The following DLC1 variants were observed in gnomAD, a reference collection of about 807,000 sequenced individuals.
DLC1 encodes the protein DLC1 Rho GTPase activating protein.
Under a neutral mutation model 140.3 loss-of-function variants are expected in DLC1, and 54 were observed. The ratio of observed to expected loss-of-function variants is 0.38; its 90% CI spans 0.31 to 0.48. The LOEUF (loss-of-function observed/expected upper bound fraction) is 0.48, where lower values mean the gene tolerates loss of function less well. Ranked by LOEUF, DLC1 falls within the 20% of genes least tolerant of loss-of-function variation. The probability of loss-of-function intolerance (pLI) is 0.96; values close to 1 mark genes in which losing one functional copy is unlikely to be tolerated. For synonymous variants in DLC1, 986 were observed against 728.1 expected (o/e 1.35, Z -5.70); for missense variants, 2,536 against 1,907.0 (o/e 1.33, Z -6.14).
At chr8:13,270,025 C>G (rs1262846946) in intron 5 of DLC1, among the ~76,000 whole-genome samples, 1 of 150,376 alleles carries the variant, frequency 6.6e-6, no homozygotes, top group African/African-American at 2.4e-5. Flanking sequence ...CCACTGCACT[C>G]CAGCCTGGGC....
At chr8:13,461,028 C>G (rs1490904548) in intron 2 of DLC1, among the ~76,000 whole-genome samples, 3 of 152,128 alleles carry the variant, frequency 2.0e-5, no homozygotes, top group Non-Finnish European at 4.4e-5. Context: ...GCCTGGGCAA[C>G]AGAGCAAGAC....
At chr8:13,214,061 G>A (rs948491027) in intron 5 of DLC1, among the ~76,000 whole-genome samples, 2 of 152,170 alleles carry the variant, frequency 1.3e-5, no homozygotes, top group African/African-American at 4.8e-5. Context: ...TGGGTTTACA[G>A]GTGTGAGCCA....
intron 2 of DLC1, among the ~76,000 whole-genome samples, chr8:13,432,617 T>C (rs1170931204): frequency 6.6e-6 from 1 of 152,208 alleles, no homozygotes; most frequent in Non-Finnish European, 1.5e-5. Flanking sequence ...CTGGAAAATC[T>C]CTTCTGCCCA....
intron 5 of DLC1, among the ~76,000 whole-genome samples, chr8:13,186,054 G>C (rs549731194): frequency 6.6e-6 from 1 of 152,104 alleles, no homozygotes; most frequent in Non-Finnish European, 1.5e-5. Context: ...TGGGCAACCC[G>C]ACCTTTCTCT....
chr8:13,322,684 G>A (rs966073011), intron 4 of DLC1, among the ~76,000 whole-genome samples: 2 of 152,146 alleles, frequency 1.3e-5, no homozygotes, highest in Non-Finnish European at 2.9e-5. Context: ...TTTTGGAAAA[G>A]TGTGTCAGTA....
chr8:13,092,055 G>A (rs1818121917), intron 13 of DLC1, among the ~76,000 whole-genome samples: 1 of 152,138 alleles, frequency 6.6e-6, no homozygotes, highest in Admixed American at 6.5e-5. Flanking sequence ...GACCAGCCTG[G>A]CCAACATGGT....
chr8:13,374,807 T>C (rs1483366212), intron 4 of DLC1, among the ~76,000 whole-genome samples: 1 of 152,144 alleles, frequency 6.6e-6, no homozygotes, highest in Non-Finnish European at 1.5e-5. Context: ...TTTCACGATA[T>C]TGATTCTTCC....
intron 1 of DLC1, among the ~76,000 whole-genome samples, chr8:13,591,987 G>C (rs963316629): frequency 6.6e-6 from 1 of 152,064 alleles, no homozygotes. Context: ...AGTATCTGGA[G>C]TTTGGAGGTT....
chr8:13,414,259 T>G (rs546098254), intron 2 of DLC1, among the ~76,000 whole-genome samples: 1 of 152,326 alleles, frequency 6.6e-6, no homozygotes, highest in East Asian at 1.9e-4. Context: ...TCCTTATTAT[T>G]GGTATGAAAA....
intron 5 of DLC1, among the ~76,000 whole-genome samples, chr8:13,299,099 A>G (rs1832077676): frequency 6.6e-6 from 1 of 152,046 alleles, no homozygotes; most frequent in African/African-American, 2.4e-5. Flanking sequence ...TAAGGCTAGT[A>G]TATTTCTTCT....
In DLC1 at chr8:13,116,341, A is replaced by AG. The variant is rs1450431507; in HGVS notation, c.1349-685dup. ...ATAGAATCGATAAACAGAAAGGCCA[A>AG]GAGCAACTGACACACTGTGTTAAAA... On this transcript the variant is annotated intron_variant, in intron 5 of 17. Transcript: ENST00000276297. 5.3e-6 allele frequency: 3 copies of AG among 566,090 alleles called. No individual in the cohort carries two copies. The East Asian group carries it at 4.4e-4, about 83-fold the overall frequency. The allele number at this position is 566,090 out of a possible 1,614,324, so 35.1% of individuals were successfully genotyped here.
chr8:13,513,821 G>C (rs1802480014), intron 1 of DLC1, among the ~76,000 whole-genome samples: 2 of 152,098 alleles, frequency 1.3e-5, no homozygotes, highest in South Asian at 4.1e-4. Flanking sequence ...CATATGACTG[G>C]AGTGATTTCT....
At chr8:13,370,842 C>T (rs1835693656) in intron 4 of DLC1, among the ~76,000 whole-genome samples, 1 of 152,110 alleles carries the variant, frequency 6.6e-6, no homozygotes, top group African/African-American at 2.4e-5. Flanking sequence ...GTGTTCAAAC[C>T]CTCATTGGAC....
chr8:13,143,850 GAGACAT>G (rs1287715034), intron 5 of DLC1, among the ~76,000 whole-genome samples: 2 of 147,754 alleles, frequency 1.4e-5, no homozygotes, highest in African/African-American at 5.2e-5. Context: ...GAGAGAGAGA[GAGACAT>G]AGACATGCCA....
At chr8:13,306,782 C>A (rs1391822575) in intron 4 of DLC1, among the ~76,000 whole-genome samples, 1 of 151,936 alleles carries the variant, frequency 6.6e-6, no homozygotes, top group African/African-American at 2.4e-5. Flanking sequence ...GTAAAGATTT[C>A]CTTATGGATA....
rs79423989 is a variant in DLC1, at chr8:13,232,532, C to T, written c.1348+72737G>A. 3.2e-3 allele frequency among the ~76,000 whole-genome samples: 491 copies of T among 152,234 alleles called. 6 individuals carry two copies. Among genetic ancestry groups the T allele is most frequent in the African/African-American group, 0.01 (424 of 41,546 alleles). ...TATTTTTAATAGAGACGGGGTTTCA[C>T]ATGTTGGCCAGGATGGTCTCGATCT... On this transcript the variant is annotated intron_variant, in intron 5 of 17. Coordinates refer to ENST00000276297, the MANE Select transcript of DLC1 (RefSeq NM_182643.3).
intron 5 of DLC1, among the ~76,000 whole-genome samples, chr8:13,267,606 C>T (rs919484046): frequency 1.1e-4 from 17 of 152,084 alleles, no homozygotes; most frequent in Admixed American, 5.2e-4. Context: ...ATGTACTGTT[C>T]CCCCCACTGC....
At chr8:13,489,284 T>A (rs1438924197) in intron 2 of DLC1, among the ~76,000 whole-genome samples, 1 of 152,102 alleles carries the variant, frequency 6.6e-6, no homozygotes, top group Non-Finnish European at 1.5e-5. Context: ...ATGCCTCAGA[T>A]GTCCATGTGG....
chr8:13,505,695 A>G (rs1195960123), intron 1 of DLC1, among the ~76,000 whole-genome samples: 1 of 152,128 alleles, frequency 6.6e-6, no homozygotes, highest in Non-Finnish European at 1.5e-5. Context: ...CAGTTTGGAT[A>G]TTTATCTTAT....
Sources: gnomAD v4.1 joint callset for allele counts (sites outside exome capture counted in the v4.1 genomes callset) on GRCh38, gnomAD v4.1.1 for gene constraint, MANE v1.5 for transcripts, NCBI Gene and HGNC (gene_info 2026-07-23, HGNC 2026-07-21) for gene names.